CDC42BPG: variants seen among roughly 807,000 people sequenced by gnomAD.
CDC42BPG encodes the protein CDC42 binding protein kinase gamma, also known as serine/threonine-protein kinase MRCK gamma.
A neutral mutation model predicts 192.2 loss-of-function variants in CDC42BPG; 157 were observed. That is an observed-to-expected ratio of 0.82 (90% CI 0.72 to 0.93). CDC42BPG has a LOEUF of 0.93. Among genes scored for constraint, CDC42BPG ranks in the 40% least tolerant of loss-of-function variants. CDC42BPG has a pLI of 0.00. For missense variants in CDC42BPG, 1,992 were observed against 2,122.1 expected (o/e 0.94, Z 1.20); for synonymous variants, 981 against 918.5 (o/e 1.07, Z -1.23).
In CDC42BPG at chr11:64,832,423, C is replaced by T; in HGVS notation, c.3087+5G>A. On this transcript the variant is annotated splice_donor_5th_base_variant and intron_variant, in intron 27 of 36. Coordinates refer to ENST00000342711, the MANE Select transcript of CDC42BPG (RefSeq NM_017525.3). ...TGGCTGCTCCATCTCATCCCAGGCACTCACCCTAAAGATGCGTGGCAGGTC... is the reference window on the plus strand; with the variant it reads ...TGGCTGCTCCATCTCATCCCAGGCATTCACCCTAAAGATGCGTGGCAGGTC... 6.2e-7 allele frequency: 1 copy of T among 1,613,356 alleles called. No homozygotes were observed. Among genetic ancestry groups the T allele is most frequent in the Non-Finnish European group, 8.5e-7 (1 of 1,179,696 alleles).
At chr11:64,835,701 GCT>G in intron 14 of CDC42BPG, 59 bp downstream of exon 14, 1 of 1,606,120 alleles carries the variant, frequency 6.2e-7, no homozygotes, top group Non-Finnish European at 8.5e-7. Flanking sequence ...TGGCCCTGAG[GCT>G]CTGAGTGGGG....
In CDC42BPG at chr11:64,839,127, G is replaced by A. The variant is rs1015472084; in HGVS notation, c.782C>T (p.Ser261Leu). ...GHYGPQCDWW[S>L]LGVCAYELLF... ...CAGCTCATAGGCGCAGACTCCAAGC[G>A]ACCACCAGTCACACTGTGGGCCGTA... Residue 261 changes from serine (S) to leucine (L), a missense_variant, in exon 7 of 37, where the codon TCG (serine) becomes TTG (leucine). Ser to Leu is a moderately radical substitution (Grantham distance 145). Transcript: ENST00000342711. 3.1e-6 allele frequency: 5 copies of A among 1,613,502 alleles called. No homozygotes were observed. The highest frequency in any genetic ancestry group is 1.6e-4 in the Middle Eastern group (1 of 6,062).
rs1469162242 is a variant in CDC42BPG, at chr11:64,838,303, A to C, written c.1126-141T>G. 19 of 639,958 alleles carry C rather than the reference A, an allele frequency of 3.0e-5. No individual in the cohort carries two copies. The Admixed American group carries it at 5.0e-4, about 17-fold the overall frequency. The allele number at this position is 639,958 out of a possible 1,614,324, so 39.6% of individuals were successfully genotyped here. ...GGGTAACACAGCCCAACCCAAACAA[A>C]CCCCCAGCTCCCACAAGTCTCCTAG... On this transcript the variant is annotated intron_variant, in intron 8 of 36. Transcript: ENST00000342711.
intron 36 of CDC42BPG, among the ~76,000 whole-genome samples, chr11:64,825,702 C>T (rs778912912): frequency 1.3e-5 from 2 of 151,916 alleles, no homozygotes; most frequent in Non-Finnish European, 2.9e-5. Context: ...TTTCCCCTGC[C>T]CTCATTCAGA....
chr11:64,824,466 G>A lies in CDC42BPG; in HGVS notation c.*7C>T. ...CCTGGGATTGGGGTGGGCCCTAACA[G>A]AGGGCATCAAGGAGAGCTCTCCAAT... On this transcript the variant is annotated 3_prime_UTR_variant, in exon 37 of 37. Transcript: ENST00000342711. 6.4e-7 allele frequency: 1 copy of A among 1,572,450 alleles called. No homozygotes were observed. Among genetic ancestry groups the A allele is most frequent in the Non-Finnish European group, 8.8e-7 (1 of 1,141,384 alleles).
At chr11:64,832,534 G>C (rs1942745464) in intron 26 of CDC42BPG, 25 bp from the exon 27 acceptor site, 1 of 1,613,946 alleles carries the variant, frequency 6.2e-7, no homozygotes, top group Non-Finnish European at 8.5e-7. Flanking sequence ...GAACAGGTCA[G>C]AAATCTCCCT....
At position 64,844,488 on chromosome 11, in the gene CDC42BPG, G is replaced by A; in HGVS notation, c.82C>T (p.Leu28=). The A allele has an allele frequency of 7.1e-7, 1 of 1,401,366 alleles. No homozygotes were observed. The highest frequency in any genetic ancestry group is 9.3e-7 in the Non-Finnish European group (1 of 1,078,760). 86.8% of individuals were successfully genotyped at this position (1,401,366 alleles called of 1,614,324 possible). The change falls in exon 1 of 37, where the codon CTG becomes TTG. Residue 28 remains leucine, a synonymous_variant. Transcript: ENST00000342711. ...GCPGLDGLLD[L]LLALHHELSS... ...AGCTCGTGGTGCAGCGCCAGCAGCA[G>A]ATCTAGGAGGCCGTCGAGCCCCGGG... is the stretch of plus-strand genomic sequence containing the variant.
At chr11:64,842,024 G>C in intron 1 of CDC42BPG, 120 bp from the exon 2 acceptor site, 1 of 759,022 alleles carries the variant, frequency 1.3e-6, no homozygotes, top group Non-Finnish European at 2.2e-6. Context: ...CCTCCCCAGG[G>C]ACAGCCTCGG....
chr11:64,844,396 GC>G lies in CDC42BPG; in HGVS notation c.160+13del, dbSNP rs374233179. The G allele has an allele frequency of 5.6e-4, 794 of 1,406,608 alleles. 5 individuals carry two copies. The East Asian group carries it at 0.02, about 35-fold the overall frequency. The allele number at this position is 1,406,608 out of a possible 1,614,324, so 87.1% of individuals were successfully genotyped here. A position where few individuals can be genotyped will look rare whatever the true frequency, so the allele number is the denominator to read the frequency against. ...CCTAGGCCCGCCCCCGCTCCGTGCC[GC>G]CCCGCCACTCACCCCAGCTCAGGAA... On this transcript the variant is annotated intron_variant, in intron 1 of 36. Transcript: ENST00000342711.
chr11:64,833,978 C>T lies in CDC42BPG; in HGVS notation c.2414-1G>A. The T allele has an allele frequency of 6.2e-7, 1 of 1,614,200 alleles. No individual in the cohort carries two copies. The highest frequency in any genetic ancestry group is 8.5e-7 in the Non-Finnish European group (1 of 1,180,010). ...ATCAGGGAGTTTGAGGGCTTGGTGT[C>T]TGCAAAGAAAGGGTGGGTCACTGGC... On this transcript the variant is annotated splice_acceptor_variant, in intron 20 of 36. Transcript: ENST00000342711. LOFTEE classifies it high-confidence loss of function.
rs769462974 is a variant in CDC42BPG, at chr11:64,832,867, G to A, written c.2824C>T (p.Pro942Ser). The A allele has an allele frequency of 1.9e-6, 3 of 1,568,018 alleles. No homozygotes were observed. The highest frequency in any genetic ancestry group is 2.3e-5 in the South Asian group (2 of 85,676). ...DLLRTALGVH[P>S]ETGTGTAYEG... ...TAGGCAGTGCCTGTGCCTGTTTCGG[G>A]GTGTACTCCCAGGGCTGTGCGGAGG... Residue 942 changes from proline (P) to serine (S), a missense_variant, in exon 25 of 37, where the codon CCC becomes TCC. Transcript: ENST00000342711.
chr11:64,837,100 CATTA>C (rs532924701), intron 9 of CDC42BPG, 81 bp from the exon 10 acceptor site: 6 of 1,233,186 alleles, frequency 4.9e-6, no homozygotes, highest in South Asian at 1.2e-5. Flanking sequence ...CCGAATCACT[CATTA>C]ATTGTGAAAC....
At chr11:64,838,957 C>T (rs1227205961) in intron 7 of CDC42BPG, 55 bp from the exon 8 acceptor site, 1 of 1,609,866 alleles carries the variant, frequency 6.2e-7, no homozygotes, top group Non-Finnish European at 8.5e-7. Context: ...CCCAGCCTCA[C>T]CTGCCGGTAC....
At chr11:64,828,139 G>A (rs1382103192) in intron 30 of CDC42BPG, among the ~76,000 whole-genome samples, 1 of 152,142 alleles carries the variant, frequency 6.6e-6, no homozygotes, top group Non-Finnish European at 1.5e-5. Flanking sequence ...TTGGCCCTGG[G>A]CAGCTTGGGT....
intron 6 of CDC42BPG, 42 bp downstream of exon 6, chr11:64,839,436 C>CACCT (rs765107988): frequency 7.7e-6 from 12 of 1,567,368 alleles, no homozygotes; most frequent in Non-Finnish European, 1.0e-5. Context: ...GAGCTTGGCC[C>CACCT]GCCTTGTATC....
At chr11:64,841,606 C>T (rs756742792) in intron 3 of CDC42BPG, 44 bp downstream of exon 3, 1 of 1,551,664 alleles carries the variant, frequency 6.4e-7, no homozygotes. Flanking sequence ...CTCCCCCACA[C>T]CCATTTGTAG....
In CDC42BPG at chr11:64,824,370, C is replaced by G; in HGVS notation, c.*103G>C. Reference sequence around the variant, plus strand: ...GCCCAGCCCGGGTCCTCCCTGAGTCCGAATTTCCATGTCCCGGACCAGCCG... The same window carrying G: ...GCCCAGCCCGGGTCCTCCCTGAGTCGGAATTTCCATGTCCCGGACCAGCCG... On this transcript the variant is annotated 3_prime_UTR_variant, in exon 37 of 37. Transcript: ENST00000342711. 1 of 911,398 alleles carries G rather than the reference C, an allele frequency of 1.1e-6. No homozygotes were observed. The highest frequency in any genetic ancestry group is 1.9e-6 in the Non-Finnish European group (1 of 539,140). The allele number at this position is 911,398 out of a possible 1,614,324, so 56.5% of individuals were successfully genotyped here.
chr11:64,840,461 G>A (rs994361731), intron 4 of CDC42BPG, 92 bp downstream of exon 4: 15 of 1,437,600 alleles, frequency 1.0e-5, no homozygotes, highest in Admixed American at 5.4e-5. Flanking sequence ...GGTCCCAAGA[G>A]GGGTCTCTCT....
At chr11:64,838,615 T>C in intron 8 of CDC42BPG, 39 bp downstream of exon 8, 1 of 1,604,182 alleles carries the variant, frequency 6.2e-7, no homozygotes, top group Non-Finnish European at 8.5e-7. Flanking sequence ...AACAAGGGGG[T>C]AGGGCAGCTC....
Sources: allele counts gnomAD v4.1 joint callset (sites outside exome capture counted in the v4.1 genomes callset), GRCh38; gene constraint gnomAD v4.1.1; transcripts MANE v1.5; gene names NCBI Gene and HGNC (gene_info 2026-07-23, HGNC 2026-07-21).